The following DYM variants were observed in gnomAD, a reference collection of about 807,000 sequenced individuals.
DYM encodes dymeclin.
In DYM, 78 loss-of-function variants were observed where a neutral mutation model predicts 93.1. The ratio of observed to expected loss-of-function variants is 0.84; its 90% CI spans 0.70 to 1.01. The LOEUF (loss-of-function observed/expected upper bound fraction) is 1.01. Among genes scored for constraint, DYM ranks in the 50% least tolerant of loss-of-function variants. The pLI, the probability that DYM is intolerant of heterozygous loss-of-function variation, is 0.00. For synonymous variants in DYM, 321 were observed against 319.7 expected (o/e 1.00, Z -0.04); for missense variants, 789 against 845.0 (o/e 0.93, Z 0.82).
intron 15 of DYM, among the ~76,000 whole-genome samples, chr18:49,122,060 A>G (rs1341085454): frequency 6.6e-6 from 1 of 152,220 alleles, no homozygotes; most frequent in Non-Finnish European, 1.5e-5. Flanking sequence ...TTTATAGCAT[A>G]TATATGTAAA....
chr18:49,221,004 C>T (rs2093327641), intron 13 of DYM, among the ~76,000 whole-genome samples: 1 of 152,154 alleles, frequency 6.6e-6, no homozygotes, highest in South Asian at 2.1e-4. Flanking sequence ...GCAACCTACT[C>T]ATCTGACAAA....
chr18:49,334,968 A>T (rs2063557135), intron 6 of DYM, among the ~76,000 whole-genome samples: 1 of 152,138 alleles, frequency 6.6e-6, no homozygotes, highest in African/African-American at 2.4e-5. Context: ...TTAGCTGGGC[A>T]TGGTGGCGGG....
intron 12 of DYM, among the ~76,000 whole-genome samples, chr18:49,258,003 A>C (rs186215897): frequency 6.6e-5 from 10 of 152,286 alleles, no homozygotes; most frequent in Admixed American, 4.6e-4. Flanking sequence ...ACTCTTTAAA[A>C]TATTCTCTCT....
chr18:49,200,333 A>T (rs1014510550), intron 14 of DYM, among the ~76,000 whole-genome samples: 5 of 152,016 alleles, frequency 3.3e-5, no homozygotes, highest in Non-Finnish European at 7.4e-5. Context: ...CTATTTTTAT[A>T]CATTATCTGG....
chr18:49,152,161 A>G (rs1017768272), intron 15 of DYM, among the ~76,000 whole-genome samples: 3 of 152,204 alleles, frequency 2.0e-5, no homozygotes, highest in African/African-American at 4.8e-5. Context: ...AAGGAACATA[A>G]AAGTTTTTTA....
chr18:49,366,304 T>C (rs774854397), intron 5 of DYM, among the ~76,000 whole-genome samples: 3 of 152,218 alleles, frequency 2.0e-5, no homozygotes, highest in Non-Finnish European at 4.4e-5. Flanking sequence ...TAAACTCACC[T>C]ACAAAAAGTA....
chr18:49,152,352 G>A (rs1419701052), intron 15 of DYM, among the ~76,000 whole-genome samples: 2 of 152,088 alleles, frequency 1.3e-5, no homozygotes, highest in Non-Finnish European at 2.9e-5. Flanking sequence ...ACTCAATATT[G>A]TCCTTAGAAT....
intron 13 of DYM, among the ~76,000 whole-genome samples, chr18:49,219,280 A>T (rs2093234143): frequency 6.6e-6 from 1 of 152,142 alleles, no homozygotes; most frequent in African/African-American, 2.4e-5. Context: ...TACCAACCAA[A>T]AAGAGTCCAG....
In DYM at chr18:49,452,858, CTAAGGGATTGCAG is replaced by C. The variant is rs2082644524; in HGVS notation, c.-54+7527_-54+7539del. On this transcript the variant is annotated intron_variant, in intron 1 of 17. Transcript: ENST00000675505. ...GGACTTGGAGAACCTTTATGTCTAG[CTAAGGGATTGCAG>C]ATACACCAATCAGCACTCTGTGTCT... Among the ~76,000 whole-genome samples, 3 of 134,260 alleles carry C rather than the reference CTAAGGGATTGCAG, an allele frequency of 2.2e-5. 1 individual carries two copies. Among genetic ancestry groups the C allele is most frequent in the Admixed American group, 7.2e-5 (1 of 13,848 alleles). The allele number at this position is 134,260 out of a possible 152,430, so 88.1% of individuals were successfully genotyped here. A position where few individuals can be genotyped will look rare whatever the true frequency, so the allele number is the denominator to read the frequency against.
At chr18:49,311,622 C>A (rs1018483327) in intron 8 of DYM, among the ~76,000 whole-genome samples, 2 of 150,332 alleles carry the variant, frequency 1.3e-5, no homozygotes, top group Non-Finnish European at 2.9e-5. Flanking sequence ...CAAACCATCA[C>A]AAGGACAGAA....
chr18:49,120,795 C>T (rs2082313115), intron 15 of DYM, among the ~76,000 whole-genome samples: 1 of 152,144 alleles, frequency 6.6e-6, no homozygotes, highest in Non-Finnish European at 1.5e-5. Flanking sequence ...ATGCCTATTT[C>T]CATACAATTT....
At chr18:49,371,613 T>G (rs1205830612) in intron 5 of DYM, among the ~76,000 whole-genome samples, 2 of 152,080 alleles carry the variant, frequency 1.3e-5, no homozygotes, top group Non-Finnish European at 2.9e-5. Context: ...GTGAAATAAA[T>G]ATCAGTATTA....
At chr18:49,150,399 T>A (rs2085683708) in intron 15 of DYM, among the ~76,000 whole-genome samples, 1 of 152,142 alleles carries the variant, frequency 6.6e-6, no homozygotes, top group Admixed American at 6.5e-5. Flanking sequence ...TCTGATGACA[T>A]TAGTACCCTT....
intron 17 of DYM, among the ~76,000 whole-genome samples, chr18:49,051,762 C>T (rs756829037): frequency 3.9e-5 from 6 of 152,166 alleles, no homozygotes; most frequent in African/African-American, 1.2e-4. Context: ...AGGTTCCAGG[C>T]GCTGCCCCCG....
rs1037934737 is a variant in DYM, at chr18:49,282,024, C to T, written c.1098G>A (p.Met366Ile). 2.5e-6 allele frequency: 4 copies of T among 1,613,842 alleles called. No individual in the cohort carries two copies. Among genetic ancestry groups the T allele is most frequent in the Middle Eastern group, 1.7e-4 (1 of 6,058 alleles). ...LHQNSNIRTY[M>I]LARTDMENLV... ...GATTTTCCATATCTGTGCGAGCCAA[C>T]ATGTATGTTCTAATATTACTATTTT... The change falls in exon 10 of 18, where the codon ATG (methionine) becomes ATA (isoleucine). Residue 366 changes from methionine (M) to isoleucine (I), a missense_variant. By Grantham distance (10) the Met-to-Ile change is conservative. Coordinates refer to ENST00000675505, the MANE Select transcript of DYM (RefSeq NM_001353214.3).
intron 13 of DYM, among the ~76,000 whole-genome samples, chr18:49,251,929 C>G (rs1598908345): frequency 6.6e-6 from 1 of 151,856 alleles, no homozygotes; most frequent in African/African-American, 2.4e-5. Context: ...AAAGAACTGC[C>G]CGAGGCTTGC....
At chr18:49,084,925 T>A (rs2078369888) in intron 17 of DYM, among the ~76,000 whole-genome samples, 1 of 152,200 alleles carries the variant, frequency 6.6e-6, no homozygotes, top group African/African-American at 2.4e-5. Context: ...CAGTTTTTAG[T>A]TCCAGAGGGT....
rs1238868115 is a variant in DYM at position 49,037,701 on chromosome 18, C to T, written c.*6354G>A. ...TTTCAAATTTCCATTAAGATTCTGA[C>T]AGATGGGTTACCTGGAAATCTATTT... On this transcript the variant is annotated 3_prime_UTR_variant, in exon 18 of 18. Transcript: ENST00000675505. 6.6e-6 allele frequency among the ~76,000 whole-genome samples: 1 copy of T among 152,160 alleles called. No individual in the cohort carries two copies.
chr18:49,342,414 T>C (rs1158944475), intron 6 of DYM, among the ~76,000 whole-genome samples: 2 of 149,828 alleles, frequency 1.3e-5, no homozygotes, highest in African/African-American at 2.4e-5. Flanking sequence ...ACTTTTGACA[T>C]ATAAGTTATG....
Sources: gnomAD v4.1 joint callset for allele counts (sites outside exome capture counted in the v4.1 genomes callset) on GRCh38, gnomAD v4.1.1 for gene constraint, MANE v1.5 for transcripts, NCBI Gene and HGNC (gene_info 2026-07-23, HGNC 2026-07-21) for gene names.